SORCS1: variants seen among roughly 807,000 people sequenced by gnomAD.
SORCS1 encodes the protein sortilin related VPS10 domain containing receptor 1.
In SORCS1, 60 loss-of-function variants were observed where a neutral mutation model predicts 146.1. The ratio of observed to expected loss-of-function variants is 0.41; its 90% confidence interval spans 0.33 to 0.51. SORCS1 has a LOEUF of 0.51. SORCS1 is among the 20% of genes least tolerant of loss of function. The pLI is 0.21. For synonymous variants in SORCS1, 637 were observed against 584.0 expected, an observed-to-expected ratio of 1.09 and a Z score of -1.31; for missense variants, 1,352 against 1,487.6, an observed-to-expected ratio of 0.91 and a Z score of 1.50.
intron 1 of SORCS1, among the ~76,000 whole-genome samples, chr10:107,152,611 G>A (rs1284793887): frequency 6.6e-6 from 1 of 152,042 alleles, no homozygotes; most frequent in Non-Finnish European, 1.5e-5. Flanking sequence ...TTTTATAAGG[G>A]GCTTTCCCCC....
At chr10:107,172,390 T>G in the SORCS1 span, among the ~76,000 whole-genome samples, 1 of 152,226 alleles carries the variant, frequency 6.6e-6, no homozygotes, top group African/African-American at 2.4e-5. Flanking sequence ...TCCACAGACT[T>G]TTAAAGGTTC....
intron 1 of SORCS1, among the ~76,000 whole-genome samples, chr10:107,044,149 T>G (rs1220025366): frequency 6.6e-6 from 1 of 152,208 alleles, no homozygotes; most frequent in Non-Finnish European, 1.5e-5. Context: ...CAGGAGATCT[T>G]TCTTTTTAAC....
At chr10:106,670,756 C>T (rs917186688) in intron 16 of SORCS1, among the ~76,000 whole-genome samples, 3 of 150,124 alleles carry the variant, frequency 2.0e-5, no homozygotes, top group East Asian at 3.9e-4. Flanking sequence ...TGCAGTGGCG[C>T]GATCGTGGCT....
intron 8 of SORCS1, among the ~76,000 whole-genome samples, chr10:106,699,775 TGG>T (rs1564872903): frequency 1.3e-5 from 2 of 152,262 alleles, no homozygotes; most frequent in African/African-American, 4.8e-5. Context: ...GAGGAAAAGC[TGG>T]AGGAACAGAG....
At chr10:106,843,282 T>G (rs1176853824) in intron 2 of SORCS1, among the ~76,000 whole-genome samples, 1 of 152,190 alleles carries the variant, frequency 6.6e-6, no homozygotes, top group South Asian at 2.1e-4. Flanking sequence ...TAACCACCAC[T>G]CTACTCTCTG....
chr10:106,901,999 G>A (rs1050618129), intron 2 of SORCS1, among the ~76,000 whole-genome samples: 3 of 151,708 alleles, frequency 2.0e-5, no homozygotes, highest in Admixed American at 6.6e-5. Flanking sequence ...AGCAGAGATT[G>A]CGCCACTGCA....
intron 1 of SORCS1, among the ~76,000 whole-genome samples, chr10:107,162,911 A>G (rs1344961343): frequency 2.0e-5 from 3 of 152,180 alleles, no homozygotes; most frequent in African/African-American, 7.2e-5. Context: ...CATTTTACCC[A>G]TCCTTGGTTG....
chr10:106,955,293 C>T (rs1158528368), intron 2 of SORCS1, among the ~76,000 whole-genome samples: 3 of 152,266 alleles, frequency 2.0e-5, no homozygotes, highest in Non-Finnish European at 4.4e-5. Context: ...CAGACACCAG[C>T]GCCCAAGGCG....
intron 1 of SORCS1, among the ~76,000 whole-genome samples, chr10:107,010,725 G>T (rs1350663554): frequency 6.6e-6 from 1 of 152,212 alleles, no homozygotes; most frequent in Non-Finnish European, 1.5e-5. Flanking sequence ...CTCTGAATAA[G>T]TTGGCGGTCC....
At chr10:107,092,149 T>C (rs979048342) in intron 1 of SORCS1, among the ~76,000 whole-genome samples, 4 of 152,208 alleles carry the variant, frequency 2.6e-5, no homozygotes, top group African/African-American at 9.7e-5. Context: ...ACATCTGAAG[T>C]TCAGAAATGC....
At chr10:107,123,133 C>G in intron 1 of SORCS1, among the ~76,000 whole-genome samples, 1 of 149,166 alleles carries the variant, frequency 6.7e-6, no homozygotes, top group South Asian at 2.1e-4. Flanking sequence ...CTGAATGAAG[C>G]CCAAAGTGTC....
chr10:106,904,795 T>C (rs570140206), intron 2 of SORCS1, among the ~76,000 whole-genome samples: 1 of 152,320 alleles, frequency 6.6e-6, no homozygotes, highest in Admixed American at 6.5e-5. Context: ...AGAGGAAAAG[T>C]TGGCAATGAG....
chr10:106,861,963 T>C (rs187191395), intron 2 of SORCS1, among the ~76,000 whole-genome samples: 1 of 152,352 alleles, frequency 6.6e-6, no homozygotes, highest in African/African-American at 2.4e-5. Flanking sequence ...TTCTTCACCA[T>C]AGATGATGAG....
intron 3 of SORCS1, among the ~76,000 whole-genome samples, chr10:106,805,932 T>G (rs1488157198): frequency 2.0e-5 from 3 of 148,406 alleles, no homozygotes; most frequent in Non-Finnish European, 3.0e-5. Flanking sequence ...TGGTGGCAGG[T>G]GCCTGTAGTC....
chr10:106,980,362 G>A (rs1248230086), intron 1 of SORCS1, among the ~76,000 whole-genome samples: 1 of 152,204 alleles, frequency 6.6e-6, no homozygotes, highest in Non-Finnish European at 1.5e-5. Context: ...CAGGCCACAT[G>A]TTAAACCAAG....
chr10:106,818,520 C>G (rs1170315656), intron 3 of SORCS1, among the ~76,000 whole-genome samples: 9 of 152,044 alleles, frequency 5.9e-5, no homozygotes, highest in Non-Finnish European at 7.4e-5. Flanking sequence ...CACGCACCAC[C>G]AGGCCCAGCA....
intron 2 of SORCS1, among the ~76,000 whole-genome samples, chr10:106,904,066 C>T (rs983152299): frequency 2.0e-5 from 3 of 152,156 alleles, no homozygotes; most frequent in Non-Finnish European, 2.9e-5. Context: ...TAATTGGCAA[C>T]GCCTAAGTTT....
At chr10:107,125,963 G>A (rs962972050) in intron 1 of SORCS1, among the ~76,000 whole-genome samples, 1 of 152,096 alleles carries the variant, frequency 6.6e-6, no homozygotes, top group Admixed American at 6.6e-5. Flanking sequence ...TGTCCCTAAG[G>A]TGATTTTCCA....
chr10:106,656,014 C>A (rs774686927), intron 17 of SORCS1, among the ~76,000 whole-genome samples: 1 of 152,124 alleles, frequency 6.6e-6, no homozygotes, highest in Non-Finnish European at 1.5e-5. Context: ...CTTCAATCTG[C>A]CAAGAAGAAA....
Sources: allele counts gnomAD v4.1 joint callset (sites outside exome capture counted in the v4.1 genomes callset), GRCh38; gene constraint gnomAD v4.1.1; transcripts MANE v1.5; gene names NCBI Gene and HGNC (gene_info 2026-07-23, HGNC 2026-07-21).